The following NFE2L3 variants were observed in gnomAD, a reference collection of about 807,000 sequenced individuals.
NFE2L3 encodes the protein nuclear factor erythroid 2-related factor 3.
NFE2L3 carries 18 observed loss-of-function variants against 23.5 expected under a neutral mutation model. The ratio of observed to expected loss-of-function variants is 0.77; its 90% confidence interval spans 0.53 to 1.13. The LOEUF (loss-of-function observed/expected upper bound fraction) is 1.13. Among genes scored for constraint, NFE2L3 ranks in the 50% most tolerant of loss-of-function variants. The pLI is 0.00. For missense variants in NFE2L3, 1,152 were observed against 877.2 expected (o/e 1.31, Z -3.96); for synonymous variants, 424 against 354.5 (o/e 1.20, Z -2.20).
At chr7:26,164,775 G>C (rs1784223814) in intron 1 of NFE2L3, among the ~76,000 whole-genome samples, 1 of 152,146 alleles carries the variant, frequency 6.6e-6, no homozygotes, top group Non-Finnish European at 1.5e-5. Context: ...TTCTTCTAGG[G>C]TTTTTATGGT....
rs1784008128 is a variant in NFE2L3 at position 26,152,293 on chromosome 7, C to A, written c.-206C>A. 3.7e-6 allele frequency: 1 copy of A among 268,864 alleles called. No individual in the cohort carries two copies. Among genetic ancestry groups the A allele is most frequent in the Admixed American group, 5.4e-5 (1 of 18,584 alleles). The allele number at this position is 268,864 out of a possible 1,614,324, so 16.7% of individuals were successfully genotyped here. ...CGCTTCTCCCGATCCCCGGCGGTGC[C>A]AGGCACGGTGCCGGCTGCCGAGGGA... On this transcript the variant is annotated 5_prime_UTR_variant, in exon 1 of 4. Coordinates refer to ENST00000056233, the MANE Select transcript of NFE2L3 (RefSeq NM_004289.7). The surrounding 1 kb of genome is among the most constrained non-coding windows in gnomAD (Gnocchi z 4.4).
chr7:26,185,841 T>C lies in NFE2L3; in HGVS notation c.*58T>C, dbSNP rs1654197312. On this transcript the variant is annotated 3_prime_UTR_variant, in exon 4 of 4. Transcript: ENST00000056233. ...GTAGTAATGTTCAGAAACTGATTAT[T>C]TGGATCAGAAACCATTGAAACTGCT... 7.2e-7 allele frequency: 1 copy of C among 1,383,526 alleles called. No individual in the cohort carries two copies. Among genetic ancestry groups the C allele is most frequent in the Non-Finnish European group, 9.8e-7 (1 of 1,025,312 alleles). The allele number at this position is 1,383,526 out of a possible 1,614,324, so 85.7% of individuals were successfully genotyped here. A position where few individuals can be genotyped will look rare whatever the true frequency, so the allele number is the denominator to read the frequency against.
chr7:26,160,321 C>A (rs1429014573), intron 1 of NFE2L3, among the ~76,000 whole-genome samples: 1 of 152,116 alleles, frequency 6.6e-6, no homozygotes, highest in Non-Finnish European at 1.5e-5. Flanking sequence ...GAGGTACATC[C>A]CTGAGTTGTT....
At chr7:26,159,686 T>G (rs1784139436) in intron 1 of NFE2L3, among the ~76,000 whole-genome samples, 1 of 152,218 alleles carries the variant, frequency 6.6e-6, no homozygotes, top group African/African-American at 2.4e-5. Context: ...TCTGACTATT[T>G]AATGCCAACT....
At chr7:26,179,794 G>A (rs1478451634) in intron 2 of NFE2L3, among the ~76,000 whole-genome samples, 2 of 152,148 alleles carry the variant, frequency 1.3e-5, no homozygotes, top group African/African-American at 4.8e-5. Flanking sequence ...GATTTCTCTG[G>A]GGTTGAGGGT....
chr7:26,157,404 C>G (rs1562668542), intron 1 of NFE2L3, among the ~76,000 whole-genome samples: 1 of 151,876 alleles, frequency 6.6e-6, no homozygotes, highest in Non-Finnish European at 1.5e-5. Flanking sequence ...GTCTCAAACT[C>G]CTGGGCTCAA....
In NFE2L3 at chr7:26,184,841, G is replaced by C. The variant is rs752349389; in HGVS notation, c.1143G>C (p.Leu381=). The C allele has an allele frequency of 3.7e-6, 6 of 1,613,832 alleles. No individual in the cohort carries two copies. Among genetic ancestry groups the C allele is most frequent in the Non-Finnish European group, 5.1e-6 (6 of 1,179,842 alleles). The change falls in exon 4 of 4, where the codon CTG becomes CTC. Residue 381 remains leucine (L), a synonymous_variant. Transcript: ENST00000056233. ...HMRNLTSQDL[L]YDLDINIFDE... is the part of the protein sequence containing the mutation. ...GGAATCTAACAAGCCAAGACCTACT[G>C]TATGACCTTGACATAAATATATTTG...
At chr7:26,184,428 AATG>A (rs1782427074) in intron 3 of NFE2L3, 102 bp from the exon 4 acceptor site, 1 of 997,300 alleles carries the variant, frequency 1.0e-6, no homozygotes, top group Non-Finnish European at 1.5e-6. Flanking sequence ...ATCTCTATTA[AATG>A]TAGAGGAATT....
intron 1 of NFE2L3, among the ~76,000 whole-genome samples, chr7:26,157,358 T>C (rs896817713): frequency 1.3e-5 from 2 of 151,692 alleles, no homozygotes; most frequent in Admixed American, 1.3e-4. Flanking sequence ...TTTTTTTTTT[T>C]AATAGAAATA....
rs1305469754 is a variant in NFE2L3, at chr7:26,165,054, T to C, written c.570+11986T>C. On this transcript the variant is annotated intron_variant, in intron 1 of 3. Coordinates refer to ENST00000056233, the MANE Select transcript of NFE2L3 (RefSeq NM_004289.7). The stretch of plus-strand genomic sequence containing the variant: ...CCATGCTGTTTTGGTTACTGTAGCC[T>C]TGTAGTATAGTTTGAAGTCAGGTAG... 9.2e-5 allele frequency among the ~76,000 whole-genome samples: 14 copies of C among 152,350 alleles called. No homozygotes were observed. The South Asian group carries it at 2.5e-3, about 27-fold the overall frequency.
intron 2 of NFE2L3, among the ~76,000 whole-genome samples, chr7:26,183,055 G>A (rs1314139785): frequency 3.9e-5 from 6 of 151,958 alleles, no homozygotes; most frequent in Non-Finnish European, 1.5e-5. Context: ...CCAAAGTGCT[G>A]GGATTACAAG....
At chr7:26,168,549 GATTATAT>G (rs1383304420) in intron 1 of NFE2L3, among the ~76,000 whole-genome samples, 1 of 147,450 alleles carries the variant, frequency 6.8e-6, no homozygotes, top group Non-Finnish European at 1.5e-5. Flanking sequence ...ATAATATAGA[GATTATAT>G]ATAATATATA....
intron 2 of NFE2L3, among the ~76,000 whole-genome samples, chr7:26,182,621 GTC>G (rs1015455087): frequency 6.6e-6 from 1 of 152,094 alleles, no homozygotes; most frequent in Non-Finnish European, 1.5e-5. Flanking sequence ...GGACAAGACT[GTC>G]TCAAAATAAT....
At chr7:26,155,725 T>G (rs1784072224) in intron 1 of NFE2L3, among the ~76,000 whole-genome samples, 1 of 152,128 alleles carries the variant, frequency 6.6e-6, no homozygotes, top group Non-Finnish European at 1.5e-5. Flanking sequence ...GAACCATGAC[T>G]TTGGGGAGAA....
At chr7:26,172,129 A>T (rs925412969) in intron 1 of NFE2L3, among the ~76,000 whole-genome samples, 2 of 152,280 alleles carry the variant, frequency 1.3e-5, no homozygotes, top group African/African-American at 4.8e-5. Flanking sequence ...AAGAGTTGAA[A>T]ATATTAAAGT....
chr7:26,170,502 G>A (rs1784317618), intron 1 of NFE2L3, among the ~76,000 whole-genome samples: 1 of 152,172 alleles, frequency 6.6e-6, no homozygotes, highest in Non-Finnish European at 1.5e-5. Flanking sequence ...GGTAGGTGGG[G>A]TGTGAGGAAA....
intron 1 of NFE2L3, among the ~76,000 whole-genome samples, chr7:26,176,197 C>G (rs1227361596): frequency 6.6e-6 from 1 of 152,286 alleles, no homozygotes; most frequent in Middle Eastern, 3.4e-3. Flanking sequence ...AGATTAACAG[C>G]ATCCCAAGGC....
chr7:26,163,265 TTAG>T (rs1372773957), intron 1 of NFE2L3, among the ~76,000 whole-genome samples: 1 of 152,222 alleles, frequency 6.6e-6, no homozygotes, highest in Non-Finnish European at 1.5e-5. Flanking sequence ...TGTAAATATT[TTAG>T]TATATATCCC....
chr7:26,182,352 G>A (rs1784532411), intron 2 of NFE2L3, among the ~76,000 whole-genome samples: 1 of 152,182 alleles, frequency 6.6e-6, no homozygotes, highest in Admixed American at 6.5e-5. Flanking sequence ...GGCCGGGCAT[G>A]GTGTCTCATG....
Sources: allele counts gnomAD v4.1 joint callset (sites outside exome capture counted in the v4.1 genomes callset), GRCh38; gene constraint gnomAD v4.1.1; non-coding constraint Gnocchi (gnomAD v3.1); transcripts MANE v1.5; gene names NCBI Gene and HGNC (gene_info 2026-07-23, HGNC 2026-07-21).